Variants in PLCE1 observed in about 807,000 individuals in gnomAD.
PLCE1 encodes phospholipase C epsilon 1, also known as 1-phosphatidylinositol 4,5-bisphosphate phosphodiesterase epsilon-1.
A neutral mutation model predicts 242.8 loss-of-function variants in PLCE1; 119 were observed. The ratio of observed to expected loss-of-function variants is 0.49; its 90% CI spans 0.42 to 0.57. The LOEUF is 0.57. Among genes scored for constraint, PLCE1 ranks in the 20% least tolerant of loss-of-function variants. The probability of loss-of-function intolerance (pLI) is 0.00; values close to 1 mark genes in which losing one functional copy is unlikely to be tolerated. For missense variants in PLCE1, 2,441 were observed against 2,788.8 expected (o/e 0.88, Z 2.81); for synonymous variants, 945 against 1,017.4 (o/e 0.93, Z 1.35).
chr10:94,057,182 G>T (rs1176227548), intron 2 of PLCE1, among the ~76,000 whole-genome samples: 1 of 152,080 alleles, frequency 6.6e-6, no homozygotes. Flanking sequence ...GAATAGAAAT[G>T]CTGGGTCATT....
chr10:94,226,836 T>C lies in PLCE1; in HGVS notation c.1810-470T>C, dbSNP rs1355471408. ...GAGATTAAGGACCTATAGGTCTTTTTTTTTTTTTTTTTTTTTTTTTTGAGA... is the reference window on the plus strand; with the variant it reads ...GAGATTAAGGACCTATAGGTCTTTTCTTTTTTTTTTTTTTTTTTTTTGAGA... On this transcript the variant is annotated intron_variant, in intron 4 of 32. Transcript: ENST00000371380. 5.4e-3 allele frequency among the ~76,000 whole-genome samples: 739 copies of C among 136,292 alleles called. 34 individuals are homozygous for C. Among genetic ancestry groups the C allele is most frequent in the South Asian group, 0.013 (48 of 3,808 alleles). 89.4% of individuals were successfully genotyped at this position (136,292 alleles called of 152,430 possible).
chr10:94,231,919 C>A (rs2050159535), intron 5 of PLCE1, among the ~76,000 whole-genome samples: 1 of 152,234 alleles, frequency 6.6e-6, no homozygotes. Flanking sequence ...CAGTTCCTAA[C>A]AGGCCATGAG....
At chr10:94,160,307 C>T (rs1319942776) in intron 3 of PLCE1, among the ~76,000 whole-genome samples, 3 of 152,138 alleles carry the variant, frequency 2.0e-5, no homozygotes, top group Non-Finnish European at 4.4e-5. Flanking sequence ...TAATGATTGC[C>T]ATTCTAACTG....
In PLCE1 at chr10:94,027,777, T is replaced by C. The variant is rs535703449; in HGVS notation, c.-364-2906T>C. Among the ~76,000 whole-genome samples, 573 of 152,084 alleles carry C rather than the reference T, an allele frequency of 3.8e-3. 2 individuals are homozygous for C. The highest frequency in any genetic ancestry group is 0.013 in the African/African-American group (541 of 41,462). ...TGGAGGTTGTAGTGAGCCAAGATCATGCCACTGCACTCCAGCCTGGCGACA... is the reference window on the plus strand; with the variant it reads ...TGGAGGTTGTAGTGAGCCAAGATCACGCCACTGCACTCCAGCCTGGCGACA... On this transcript the variant is annotated intron_variant, in intron 1 of 32. Transcript: ENST00000371380.
At chr10:94,118,843 G>T (rs74151048) in intron 2 of PLCE1, among the ~76,000 whole-genome samples, 4,493 of 152,274 alleles carry the variant, frequency 0.03, 226 homozygotes, top group African/African-American at 0.1. Flanking sequence ...TCTGGGGATA[G>T]ATTGAAAGTC....
intron 4 of PLCE1, among the ~76,000 whole-genome samples, chr10:94,220,376 T>TA (rs2049686957): frequency 1.3e-3 from 78 of 61,904 alleles, no homozygotes; most frequent in African/African-American, 2.8e-3. Flanking sequence ...ACTAAACATT[T>TA]TATATATATA....
At chr10:94,165,228 G>A (rs975169205) in intron 3 of PLCE1, among the ~76,000 whole-genome samples, 2 of 152,172 alleles carry the variant, frequency 1.3e-5, no homozygotes, top group Non-Finnish European at 2.9e-5. Context: ...GCCCCCAGAG[G>A]TGGAGTGTAC....
Position 94,262,741 on chromosome 10 carries a change from C to A in PLCE1, c.4053+9C>A. 1 of 1,580,306 alleles carries A rather than the reference C, an allele frequency of 6.3e-7. No individual in the cohort carries two copies. The highest frequency in any genetic ancestry group is 1.1e-5 in the South Asian group (1 of 90,432). Reference sequence around the variant, plus strand: ...TCCTCAGCATCATCCAGGTTTGTGCCTGTTTTGTGTGTGCATGTGTGTGTG... The same window carrying A: ...TCCTCAGCATCATCCAGGTTTGTGCATGTTTTGTGTGTGCATGTGTGTGTG... On this transcript the variant is annotated intron_variant, in intron 14 of 32. Coordinates refer to ENST00000371380, the MANE Select transcript of PLCE1 (RefSeq NM_016341.4).
intron 2 of PLCE1, among the ~76,000 whole-genome samples, chr10:94,113,558 G>T (rs756793356): frequency 9.9e-5 from 15 of 152,214 alleles, no homozygotes; most frequent in Non-Finnish European, 1.6e-4. Flanking sequence ...CTGTATGCCA[G>T]GCACTATGCT....
intron 4 of PLCE1, among the ~76,000 whole-genome samples, chr10:94,196,550 C>G (rs2136688412): frequency 6.6e-6 from 1 of 152,274 alleles, no homozygotes; most frequent in East Asian, 1.9e-4. Flanking sequence ...CTTTGGGAAG[C>G]CAAGTCAGGA....
At chr10:94,217,178 A>T (rs971221065) in intron 4 of PLCE1, among the ~76,000 whole-genome samples, 3 of 151,622 alleles carry the variant, frequency 2.0e-5, no homozygotes, top group Admixed American at 1.3e-4. Flanking sequence ...CACCTTTCTC[A>T]TCTGTAAAAT....
At position 94,198,200 on chromosome 10, in the gene PLCE1, G is replaced by A. The variant is rs191031898; in HGVS notation, c.1809+26704G>A. On this transcript the variant is annotated intron_variant, in intron 4 of 32. Coordinates refer to ENST00000371380, the MANE Select transcript of PLCE1 (RefSeq NM_016341.4). The stretch of plus-strand genomic sequence containing the variant: ...CTTCCAAGTATGAACAAGAAGAGAG[G>A]GATCAGCACTTAGGGTTCCCACTCT... 8.9e-4 allele frequency among the ~76,000 whole-genome samples: 136 copies of A among 152,160 alleles called. 1 individual carries two copies. Among genetic ancestry groups the A allele is most frequent in the African/African-American group, 3.0e-3 (123 of 41,518 alleles).
chr10:94,229,683 A>C (rs1265947702), intron 5 of PLCE1, among the ~76,000 whole-genome samples: 1 of 152,160 alleles, frequency 6.6e-6, no homozygotes, highest in Non-Finnish European at 1.5e-5. Flanking sequence ...GATTCAACTG[A>C]GTTTAAATCC....
At chr10:94,054,992 A>G (rs2043863723) in intron 2 of PLCE1, among the ~76,000 whole-genome samples, 2 of 145,724 alleles carry the variant, frequency 1.4e-5, no homozygotes, top group Non-Finnish European at 3.0e-5. Context: ...AGCCTGGGTG[A>G]TAGAGCGAGA....
At chr10:94,059,874 G>T (rs1460909289) in intron 2 of PLCE1, among the ~76,000 whole-genome samples, 1 of 152,158 alleles carries the variant, frequency 6.6e-6, no homozygotes, top group Non-Finnish European at 1.5e-5. Context: ...CAAGCACTTG[G>T]TGTTCACGTC....
Position 94,322,002 on chromosome 10 carries a change from A to G in PLCE1, c.6444A>G (p.Gln2148=), listed in dbSNP as rs776357711. Residue 2148 remains glutamine, a synonymous_variant, in exon 30 of 33, where the codon CAA becomes CAG. Coordinates refer to ENST00000371380, the MANE Select transcript of PLCE1 (RefSeq NM_016341.4). ...FVQVHDVSPE[Q]PRTVIKAPRV... ...AAGTGCATGATGTTTCTCCAGAGCA[A>G]CCTCGAACAGTCATCAAAGCACCCC... The G allele has an allele frequency of 1.9e-6, 3 of 1,613,984 alleles. No individual in the cohort carries two copies. The African/African-American group carries it at 4.0e-5, about 22-fold the overall frequency.
chr10:94,205,466 A>G lies in PLCE1; in HGVS notation c.1810-21840A>G, dbSNP rs1311104671. ...AGTTGCATGTGAATAAAAGAAAGTT[A>G]TGCACATGAAGCCATGGGGCAGCCC... On this transcript the variant is annotated intron_variant, in intron 4 of 32. Transcript: ENST00000371380. Among the ~76,000 whole-genome samples the G allele has an allele frequency of 2.0e-5, 3 of 152,366 alleles. No individual in the cohort carries two copies. The South Asian group carries it at 6.2e-4, about 32-fold the overall frequency.
chr10:94,325,171 A>G, intron 32 of PLCE1, 67 bp downstream of exon 32: 6 of 1,105,490 alleles, frequency 5.4e-6, no homozygotes, highest in South Asian at 1.3e-5. Flanking sequence ...GGAAGGCATA[A>G]TTAGTACAAT....
chr10:94,042,066 A>G (rs1213986505), intron 2 of PLCE1, among the ~76,000 whole-genome samples: 1 of 152,158 alleles, frequency 6.6e-6, no homozygotes, highest in Non-Finnish European at 1.5e-5. Flanking sequence ...AATTTAACAA[A>G]TTATAAATTA....
Sources: gnomAD v4.1 joint callset for allele counts (sites outside exome capture counted in the v4.1 genomes callset) on GRCh38, gnomAD v4.1.1 for gene constraint, MANE v1.5 for transcripts, NCBI Gene and HGNC (gene_info 2026-07-23, HGNC 2026-07-21) for gene names.